SYNPR: variants seen among roughly 807,000 people sequenced by gnomAD.
SYNPR encodes synaptoporin.
SYNPR carries 23 observed loss-of-function variants against 32.9 expected under a neutral mutation model. The ratio of observed to expected loss-of-function variants is 0.70; its 90% CI spans 0.50 to 0.99. The LOEUF (loss-of-function observed/expected upper bound fraction) is 0.99. SYNPR is among the 50% of genes least tolerant of loss of function. SYNPR has a pLI of 0.00. For missense variants in SYNPR, 318 were observed against 349.3 expected (o/e 0.91, Z 0.71); for synonymous variants, 146 against 135.9 (o/e 1.07, Z -0.52).
intron 2 of SYNPR, among the ~76,000 whole-genome samples, chr3:63,358,889 G>A (rs1457546821): frequency 6.6e-6 from 1 of 152,064 alleles, no homozygotes; most frequent in Non-Finnish European, 1.5e-5. Flanking sequence ...AGTAACCCAG[G>A]CAGTCTGACA....
intron 2 of SYNPR, among the ~76,000 whole-genome samples, chr3:63,311,430 A>G (rs1310944909): frequency 6.6e-6 from 1 of 152,002 alleles, no homozygotes; most frequent in Non-Finnish European, 1.5e-5. Context: ...CACTATGAGC[A>G]TTACCACTTG....
At chr3:63,312,154 A>G (rs1392517049) in intron 2 of SYNPR, among the ~76,000 whole-genome samples, 1 of 152,062 alleles carries the variant, frequency 6.6e-6, no homozygotes, top group Admixed American at 6.6e-5. Flanking sequence ...AGAATAATGT[A>G]TACATTTAAA....
chr3:63,606,391 A>G (rs1286028573), intron 4 of SYNPR, among the ~76,000 whole-genome samples: 1 of 144,530 alleles, frequency 6.9e-6, no homozygotes, highest in Non-Finnish European at 1.5e-5. Context: ...TTTTATATTT[A>G]AATTAAGCAG....
At chr3:63,585,942 T>C (rs1243260635) in intron 4 of SYNPR, among the ~76,000 whole-genome samples, 2 of 152,058 alleles carry the variant, frequency 1.3e-5, no homozygotes, top group African/African-American at 4.8e-5. Flanking sequence ...TAAAAACATC[T>C]ATGAATCCAC....
chr3:63,456,727 C>G (rs1700490061), intron 2 of SYNPR, among the ~76,000 whole-genome samples: 1 of 152,132 alleles, frequency 6.6e-6, no homozygotes, highest in Admixed American at 6.6e-5. Context: ...AGGAGCAGAT[C>G]TGATTCATGA....
chr3:63,209,523 A>C, the SYNPR span, among the ~76,000 whole-genome samples: 1 of 152,122 alleles, frequency 6.6e-6, no homozygotes, highest in Middle Eastern at 3.4e-3. Context: ...GCCTTCAAAA[A>C]CCTATAGGTC....
intron 2 of SYNPR, among the ~76,000 whole-genome samples, chr3:63,404,019 G>C (rs986212799): frequency 2.0e-5 from 3 of 152,142 alleles, no homozygotes; most frequent in African/African-American, 7.2e-5. Flanking sequence ...CATGTTAGCT[G>C]CCCTACCTCC....
At chr3:63,588,898 T>G (rs865938061) in intron 4 of SYNPR, among the ~76,000 whole-genome samples, 2 of 152,008 alleles carry the variant, frequency 1.3e-5, no homozygotes, top group African/African-American at 4.8e-5. Context: ...TGGGGAAGTA[T>G]AGAGAGACAA....
At chr3:63,536,380 C>T (rs2106796400) in intron 3 of SYNPR, among the ~76,000 whole-genome samples, 1 of 152,254 alleles carries the variant, frequency 6.6e-6, no homozygotes, top group South Asian at 2.1e-4. Context: ...AGCATCATTA[C>T]TCATTAGGGA....
At chr3:63,338,669 G>A (rs997073700) in intron 2 of SYNPR, among the ~76,000 whole-genome samples, 34 of 152,172 alleles carry the variant, frequency 2.2e-4, no homozygotes, top group Admixed American at 2.0e-3. Flanking sequence ...ACCAAGAAAA[G>A]CTGCAGCTCA....
chr3:63,385,343 G>A (rs1052435250), intron 2 of SYNPR, among the ~76,000 whole-genome samples: 1 of 152,148 alleles, frequency 6.6e-6, no homozygotes, highest in Non-Finnish European at 1.5e-5. Context: ...GCACCAAACT[G>A]AGACTTTCTT....
chr3:63,615,640 A>G lies in SYNPR; in HGVS notation c.*159A>G. 1 of 966,220 alleles carries G rather than the reference A, an allele frequency of 1.0e-6. No homozygotes were observed. Among genetic ancestry groups the G allele is most frequent in the South Asian group, 1.9e-5 (1 of 53,522 alleles). 59.9% of individuals were successfully genotyped at this position (966,220 alleles called of 1,614,324 possible). On this transcript the variant is annotated 3_prime_UTR_variant, in exon 6 of 6. Transcript: ENST00000478300. ...TAAGGCAGCAAGTCCTGGGTTGTGA[A>G]AAATGATACTTAGAGATGAGGCGAC...
At chr3:63,315,533 T>C (rs1214177483) in intron 2 of SYNPR, among the ~76,000 whole-genome samples, 3 of 152,058 alleles carry the variant, frequency 2.0e-5, no homozygotes, top group Non-Finnish European at 4.4e-5. Context: ...GATTTGATTT[T>C]CTGTTTGGTC....
chr3:63,445,083 G>A (rs550910060), intron 2 of SYNPR, among the ~76,000 whole-genome samples: 4 of 151,702 alleles, frequency 2.6e-5, no homozygotes, highest in Admixed American at 1.3e-4. Flanking sequence ...ATCCCTCAAC[G>A]TCCTTTAATA....
At chr3:63,222,059 G>A in the SYNPR span, among the ~76,000 whole-genome samples, 1 of 82,480 alleles carries the variant, frequency 1.2e-5, no homozygotes, top group Non-Finnish European at 2.6e-5. Context: ...GTAGAGAGTG[G>A]TTTAACATAA....
chr3:63,238,669 T>A (rs1017110314), intron 1 of SYNPR, among the ~76,000 whole-genome samples: 3 of 152,142 alleles, frequency 2.0e-5, no homozygotes, highest in African/African-American at 7.2e-5. Flanking sequence ...TAAGAAGAGA[T>A]CTGACATTCA....
intron 3 of SYNPR, among the ~76,000 whole-genome samples, chr3:63,486,962 C>T (rs1437183546): frequency 6.6e-6 from 1 of 152,134 alleles, no homozygotes; most frequent in Non-Finnish European, 1.5e-5. Context: ...CATGGGGCCT[C>T]TGAAATGAAA....
intron 2 of SYNPR, among the ~76,000 whole-genome samples, chr3:63,393,941 C>A (rs569172413): frequency 6.6e-6 from 1 of 152,086 alleles, no homozygotes; most frequent in African/African-American, 2.4e-5. Flanking sequence ...TGAACATTTT[C>A]TTTTTGTTAT....
intron 2 of SYNPR, among the ~76,000 whole-genome samples, chr3:63,257,959 CAA>C (rs1356287672): frequency 6.6e-6 from 1 of 152,092 alleles, no homozygotes; most frequent in Admixed American, 6.5e-5. Flanking sequence ...CAACAAAGAT[CAA>C]AAGAGACGAA....
Sources: gnomAD v4.1 joint callset for allele counts (sites outside exome capture counted in the v4.1 genomes callset) on GRCh38, gnomAD v4.1.1 for gene constraint, MANE v1.5 for transcripts, NCBI Gene and HGNC (gene_info 2026-07-23, HGNC 2026-07-21) for gene names.